The following KALRN variants were observed in gnomAD, a reference collection of about 807,000 sequenced individuals.
KALRN encodes kalirin RhoGEF kinase.
Under a neutral mutation model 353.7 loss-of-function variants are expected in KALRN, and 70 were observed. The ratio of observed to expected loss-of-function variants is 0.20; its 90% confidence interval spans 0.16 to 0.24. The LOEUF is 0.24. Ranked by LOEUF, KALRN falls within the 10% of genes least tolerant of loss-of-function variation. The probability of loss-of-function intolerance (pLI) is 1.00; values close to 1 mark genes in which losing one functional copy is unlikely to be tolerated. For missense variants in KALRN, 2,791 were observed against 3,756.7 expected, an observed-to-expected ratio of 0.74 and a Z score of 6.72; for synonymous variants, 1,391 against 1,434.8, an observed-to-expected ratio of 0.97 and a Z score of 0.69.
chr3:124,489,003 G>T (rs889935840), intron 29 of KALRN: 1 of 152,204 alleles, frequency 6.6e-6, no homozygotes, highest in African/African-American at 2.4e-5. Flanking sequence ...TGCAGAATGA[G>T]TGGGCAGAGC....
chr3:124,394,058 A>G (rs928193276), intron 11 of KALRN, among the ~76,000 whole-genome samples: 2 of 152,268 alleles, frequency 1.3e-5, no homozygotes, highest in African/African-American at 4.8e-5. Context: ...TTAGAATCAG[A>G]TGGAAACTAA....
chr3:124,293,114 G>A (rs2076560363), intron 5 of KALRN, among the ~76,000 whole-genome samples: 1 of 152,178 alleles, frequency 6.6e-6, no homozygotes, highest in Non-Finnish European at 1.5e-5. Context: ...TCTCTCTAGG[G>A]CACAAGCTTT....
intron 1 of KALRN, among the ~76,000 whole-genome samples, chr3:124,223,913 G>A (rs146660065): frequency 2.8e-4 from 42 of 152,334 alleles, no homozygotes; most frequent in Non-Finnish European, 4.7e-4. Context: ...GGGGCTTGGA[G>A]AAGACCCATG....
chr3:124,314,111 C>A (rs1284365368), intron 6 of KALRN, among the ~76,000 whole-genome samples: 2 of 151,972 alleles, frequency 1.3e-5, no homozygotes, highest in African/African-American at 4.8e-5. Context: ...AAATGTCCAT[C>A]AATGATAGAC....
chr3:124,488,447 C>T (rs2062793294), intron 29 of KALRN, 132 bp downstream of exon 29: 4 of 670,988 alleles, frequency 6.0e-6, no homozygotes, highest in Non-Finnish European at 1.1e-5. Context: ...CAAGTAGTTA[C>T]ATAGGCCCTT....
intron 3 of KALRN, among the ~76,000 whole-genome samples, chr3:124,239,928 A>G (rs2148637292): frequency 6.6e-6 from 1 of 152,342 alleles, no homozygotes; most frequent in African/African-American, 2.4e-5. Context: ...TGGAAAGGCC[A>G]GATAATAGGA....
At chr3:124,273,645 G>T (rs1192178280) in intron 5 of KALRN, among the ~76,000 whole-genome samples, 1 of 152,182 alleles carries the variant, frequency 6.6e-6, no homozygotes, top group African/African-American at 2.4e-5. Context: ...TTCTGTGCAT[G>T]CTGTACTGTC....
chr3:124,346,118 T>G (rs2082235734), intron 9 of KALRN, among the ~76,000 whole-genome samples: 1 of 152,216 alleles, frequency 6.6e-6, no homozygotes, highest in Non-Finnish European at 1.5e-5. Context: ...GTGTCTATAC[T>G]GTAATTCTGA....
At chr3:124,380,238 G>A (rs1202524125) in intron 10 of KALRN, among the ~76,000 whole-genome samples, 1 of 152,178 alleles carries the variant, frequency 6.6e-6, no homozygotes, top group Non-Finnish European at 1.5e-5. Context: ...CAGGGAATCT[G>A]AAAACATACC....
chr3:124,601,874 A>T (rs1175612770), intron 34 of KALRN, among the ~76,000 whole-genome samples: 1 of 151,912 alleles, frequency 6.6e-6, no homozygotes, highest in Non-Finnish European at 1.5e-5. Context: ...TAGGAAAAAA[A>T]AAATAGCTGG....
At chr3:124,692,477 A>G (rs1409168174) in intron 51 of KALRN, among the ~76,000 whole-genome samples, 2 of 152,264 alleles carry the variant, frequency 1.3e-5, no homozygotes, top group African/African-American at 4.8e-5. Flanking sequence ...TCACAAAGAT[A>G]TGCATACATA....
At chr3:124,178,306 A>G (rs1314551003) in intron 1 of KALRN, among the ~76,000 whole-genome samples, 3 of 152,254 alleles carry the variant, frequency 2.0e-5, no homozygotes, top group Non-Finnish European at 4.4e-5. Flanking sequence ...AGTTTAATTT[A>G]TAAATTAGCC....
At chr3:124,633,195 G>A (rs1053687024) in intron 35 of KALRN, among the ~76,000 whole-genome samples, 3 of 152,138 alleles carry the variant, frequency 2.0e-5, no homozygotes, top group Non-Finnish European at 2.9e-5. Context: ...CAGGGTTTCC[G>A]CTCAAAGAAA....
chr3:124,614,635 A>G (rs2078366468), intron 34 of KALRN, among the ~76,000 whole-genome samples: 1 of 151,600 alleles, frequency 6.6e-6, no homozygotes, highest in African/African-American at 2.4e-5. Flanking sequence ...TAGTGGCACA[A>G]TCATGGCTCA....
At chr3:124,095,083 G>A (rs2061354563) in intron 1 of KALRN, among the ~76,000 whole-genome samples, 2 of 152,118 alleles carry the variant, frequency 1.3e-5, no homozygotes, top group African/African-American at 4.8e-5. Flanking sequence ...GTTTTTCTGG[G>A]GACATGTATG....
chr3:124,448,526 A>T (rs1040108182), intron 21 of KALRN, among the ~76,000 whole-genome samples: 1 of 152,114 alleles, frequency 6.6e-6, no homozygotes, highest in African/African-American at 2.4e-5. Context: ...GAGATACATC[A>T]TATTCTTTTT....
chr3:124,114,340 G>A (rs758292238), intron 1 of KALRN, among the ~76,000 whole-genome samples: 66 of 152,164 alleles, frequency 4.3e-4, no homozygotes, highest in African/African-American at 1.3e-3. Flanking sequence ...AGCCAATGCC[G>A]TGGGCTCACA....
At chr3:124,377,091 TAGAG>T (rs1462971187) in intron 10 of KALRN, among the ~76,000 whole-genome samples, 1 of 152,188 alleles carries the variant, frequency 6.6e-6, no homozygotes, top group Non-Finnish European at 1.5e-5. Flanking sequence ...AAGTTATAGT[TAGAG>T]AGACTCGGCT....
intron 1 of KALRN, among the ~76,000 whole-genome samples, chr3:124,175,882 A>G (rs936363252): frequency 6.6e-6 from 1 of 152,186 alleles, no homozygotes; most frequent in South Asian, 2.1e-4. Context: ...CTCTATGTGA[A>G]TATCTTCTTT....
Sources: allele counts gnomAD v4.1 joint callset (sites outside exome capture counted in the v4.1 genomes callset), GRCh38; gene constraint gnomAD v4.1.1; transcripts MANE v1.5; gene names NCBI Gene and HGNC (gene_info 2026-07-23, HGNC 2026-07-21).